ELF1: variants seen among roughly 807,000 people sequenced by gnomAD.
The protein encoded by ELF1 is E74 like ETS transcription factor 1.
Under a neutral mutation model 59.9 loss-of-function variants are expected in ELF1, and 24 were observed. The ratio of observed to expected loss-of-function variants is 0.40; its 90% CI spans 0.29 to 0.56. The LOEUF (loss-of-function observed/expected upper bound fraction) is 0.56, where lower values mean the gene tolerates loss of function less well. ELF1 is among the 20% of genes least tolerant of loss of function. The probability of loss-of-function intolerance (pLI) is 0.44; values close to 1 mark genes in which losing one functional copy is unlikely to be tolerated. For synonymous variants in ELF1, 248 were observed against 266.2 expected (o/e 0.93, Z 0.67); for missense variants, 627 against 742.2 (o/e 0.84, Z 1.80).
At chr13:41,028,131 G>C (rs763567148) in intron 1 of ELF1, among the ~76,000 whole-genome samples, 3 of 152,194 alleles carry the variant, frequency 2.0e-5, no homozygotes, top group Admixed American at 1.3e-4. Context: ...TCCAGAGAGA[G>C]AGGAATACTT....
In ELF1 at chr13:40,932,204, G is replaced by T. The variant is rs1479589760; in HGVS notation, c.*1221C>A. On this transcript the variant is annotated 3_prime_UTR_variant, in exon 9 of 9. Coordinates refer to ENST00000239882, the MANE Select transcript of ELF1 (RefSeq NM_172373.4). Reference sequence around the variant, plus strand: ...ATCTACAAAAATTTCTGTTATACTAGAAAATTTGCAGAAGACATTTTTTTC... The same window carrying T: ...ATCTACAAAAATTTCTGTTATACTATAAAATTTGCAGAAGACATTTTTTTC... 11 of 151,810 alleles carry T rather than the reference G, an allele frequency of 7.2e-5. No individual in the cohort carries two copies. The highest frequency in any genetic ancestry group is 2.7e-4 in the African/African-American group (11 of 41,278). The allele number at this position is 151,810 out of a possible 1,614,324, so 9.4% of individuals were successfully genotyped here.
At chr13:41,036,658 T>C (rs936692134) in intron 1 of ELF1, among the ~76,000 whole-genome samples, 2 of 152,220 alleles carry the variant, frequency 1.3e-5, no homozygotes, top group African/African-American at 2.4e-5. Context: ...TGCATACGTA[T>C]GCTTATTGCG....
chr13:40,940,571 T>C (rs2138124656), intron 8 of ELF1, among the ~76,000 whole-genome samples: 1 of 152,308 alleles, frequency 6.6e-6, no homozygotes, highest in Admixed American at 6.5e-5. Flanking sequence ...TGTCCTAATA[T>C]GTCAATTTAT....
intron 1 of ELF1, among the ~76,000 whole-genome samples, chr13:41,046,921 C>G (rs1340856047): frequency 6.6e-6 from 1 of 152,180 alleles, no homozygotes; most frequent in Non-Finnish European, 1.5e-5. Context: ...TTCAGGTACA[C>G]CAATGAGACG....
intron 8 of ELF1, among the ~76,000 whole-genome samples, chr13:40,940,596 G>A (rs1004814721): frequency 2.6e-5 from 4 of 152,022 alleles, no homozygotes; most frequent in Non-Finnish European, 5.9e-5. Flanking sequence ...AATTTTTGAA[G>A]CTTCTGACTT....
intron 1 of ELF1, among the ~76,000 whole-genome samples, chr13:41,011,842 C>T (rs1249109554): frequency 6.6e-6 from 1 of 152,082 alleles, no homozygotes; most frequent in Non-Finnish European, 1.5e-5. Flanking sequence ...TTCCTTCAAC[C>T]TCAAGTTCCC....
chr13:40,940,386 G>GAAAAAAAAAAAAAAAAA (rs375400990), intron 8 of ELF1, among the ~76,000 whole-genome samples: 1 of 109,896 alleles, frequency 9.1e-6, no homozygotes, highest in Non-Finnish European at 1.7e-5. Context: ...TGATTTAACT[G>GAAAAAAAAAAAAAAAAA]AAAAAAAAAA....
At position 40,949,703 on chromosome 13, in the gene ELF1, A is replaced by AT. The variant is rs1468856787; in HGVS notation, c.529+102dup. ...TTTGTGCCTTCAATGTTTTTCTTAC[A>AT]TAAGTTTTAACTGCAGCAGGAAAGA... On this transcript the variant is annotated intron_variant, in intron 5 of 8. Coordinates refer to ENST00000239882, the MANE Select transcript of ELF1 (RefSeq NM_172373.4). 2.9e-6 allele frequency: 4 copies of AT among 1,361,836 alleles called. No individual in the cohort carries two copies. In the African/African-American group the frequency reaches 4.4e-5, roughly 15 times the overall value. 84.4% of individuals were successfully genotyped at this position (1,361,836 alleles called of 1,614,324 possible).
At chr13:41,044,686 T>A (rs1418191229) in intron 1 of ELF1, among the ~76,000 whole-genome samples, 2 of 152,216 alleles carry the variant, frequency 1.3e-5, no homozygotes, top group African/African-American at 4.8e-5. Context: ...TGCTGCTGGA[T>A]TCAGTTTGCC....
intron 1 of ELF1, among the ~76,000 whole-genome samples, chr13:41,059,454 AGC>A (rs1877413806): frequency 6.6e-6 from 1 of 152,256 alleles, no homozygotes; most frequent in South Asian, 2.1e-4. Context: ...TAACAAGGTA[AGC>A]CTAATTAATC....
chr13:41,013,999 T>C (rs1472268692), intron 1 of ELF1, among the ~76,000 whole-genome samples: 5 of 152,154 alleles, frequency 3.3e-5, no homozygotes, highest in African/African-American at 1.2e-4. Flanking sequence ...ATGATCACTA[T>C]ATGACTGGGC....
intron 8 of ELF1, 89 bp from the exon 9 acceptor site, chr13:40,934,117 C>G (rs917326027): frequency 1.3e-6 from 2 of 1,485,250 alleles, no homozygotes; most frequent in East Asian, 2.3e-5. Context: ...TTACAAAATA[C>G]CAGTTATGTG....
intron 8 of ELF1, among the ~76,000 whole-genome samples, chr13:40,940,386 G>GAAAAAAAAAAAAAAAAAAAAAAAA (rs375400990): frequency 1.8e-5 from 2 of 109,894 alleles, no homozygotes; most frequent in South Asian, 2.9e-4. Context: ...TGATTTAACT[G>GAAAAAAAAAAAAAAAAAAAAAAAA]AAAAAAAAAA....
intron 1 of ELF1, among the ~76,000 whole-genome samples, chr13:41,034,742 ATTTATT>A: frequency 6.6e-6 from 1 of 150,906 alleles, no homozygotes; most frequent in South Asian, 2.1e-4. Context: ...TTCAAGAATA[ATTTATT>A]TTTAAAGGAA....
At chr13:41,030,288 T>C (rs1338627353) in intron 1 of ELF1, among the ~76,000 whole-genome samples, 2 of 152,128 alleles carry the variant, frequency 1.3e-5, no homozygotes, top group Non-Finnish European at 2.9e-5. Flanking sequence ...CAGATCAAGT[T>C]AGATAAGGTC....
At chr13:41,034,189 A>T (rs764914373) in intron 1 of ELF1, among the ~76,000 whole-genome samples, 4 of 152,206 alleles carry the variant, frequency 2.6e-5, no homozygotes, top group Non-Finnish European at 5.9e-5. Context: ...CCAAAGGGTC[A>T]AGGTCAAAAA....
intron 6 of ELF1, 106 bp downstream of exon 6, chr13:40,943,736 G>T: frequency 1.2e-6 from 1 of 836,462 alleles, no homozygotes; most frequent in African/African-American, 1.7e-5. Flanking sequence ...GCAGCAATAA[G>T]ATCCACTGCA....
At chr13:41,013,598 A>T (rs1247975166) in intron 1 of ELF1, among the ~76,000 whole-genome samples, 1 of 152,188 alleles carries the variant, frequency 6.6e-6, no homozygotes, top group Non-Finnish European at 1.5e-5. Flanking sequence ...CTTCTAGGGT[A>T]ATAGACATAC....
At chr13:41,017,743 T>G (rs933852114) in intron 1 of ELF1, among the ~76,000 whole-genome samples, 1 of 152,094 alleles carries the variant, frequency 6.6e-6, no homozygotes, top group Non-Finnish European at 1.5e-5. Flanking sequence ...ATTATGCCGC[T>G]TATTTGTGTG....
Sources: gnomAD v4.1 joint callset for allele counts (sites outside exome capture counted in the v4.1 genomes callset) on GRCh38, gnomAD v4.1.1 for gene constraint, MANE v1.5 for transcripts, NCBI Gene and HGNC (gene_info 2026-07-23, HGNC 2026-07-21) for gene names.